Variants in VPS13B observed in about 807,000 individuals in gnomAD.
VPS13B encodes intermembrane lipid transfer protein VPS13B.
A neutral mutation model predicts 426.4 loss-of-function variants in VPS13B; 285 were observed. That is an observed-to-expected ratio of 0.67 (90% CI 0.61 to 0.74). VPS13B has a LOEUF of 0.74. Ranked by LOEUF, VPS13B falls within the 30% of genes least tolerant of loss-of-function variation. VPS13B has a pLI of 0.00. For missense variants in VPS13B, 4,537 were observed against 4,782.6 expected (o/e 0.95, Z 1.51); for synonymous variants, 1,676 against 1,676.4 (o/e 1.00, Z 0.01).
At chr8:99,341,304 A>G (rs909541458) in intron 19 of VPS13B, 1 of 168,354 alleles carries the variant, frequency 5.9e-6, no homozygotes. Context: ...CTGTTAATGT[A>G]GTAACGATCA....
chr8:99,596,311 G>C (rs1323402667), intron 33 of VPS13B, among the ~76,000 whole-genome samples: 2 of 151,994 alleles, frequency 1.3e-5, no homozygotes, highest in African/African-American at 4.8e-5. Flanking sequence ...TAGGAAACCA[G>C]ATGGAAATGG....
intron 17 of VPS13B, among the ~76,000 whole-genome samples, chr8:99,251,434 C>T (rs1004403243): frequency 6.6e-6 from 1 of 151,428 alleles, no homozygotes; most frequent in Non-Finnish European, 1.5e-5. Flanking sequence ...GTGGATTTTT[C>T]TTCTTTAGCC....
At chr8:99,875,206 T>TAAG (rs1817640302) in intron 61 of VPS13B, 1 of 681,736 alleles carries the variant, frequency 1.5e-6, no homozygotes, top group African/African-American at 1.8e-5. Context: ...GAGGCTGTCC[T>TAAG]AAGTCTCATG....
chr8:99,542,225 T>A (rs546554200), intron 30 of VPS13B, among the ~76,000 whole-genome samples: 3 of 152,186 alleles, frequency 2.0e-5, no homozygotes, highest in Non-Finnish European at 4.4e-5. Flanking sequence ...GCCTTTATTA[T>A]TGACATGGAC....
At chr8:99,330,518 G>T (rs577401903) in intron 19 of VPS13B, among the ~76,000 whole-genome samples, 1 of 151,884 alleles carries the variant, frequency 6.6e-6, no homozygotes, top group East Asian at 1.9e-4. Flanking sequence ...TATTCCTTCT[G>T]TTATCTTCCT....
At chr8:99,107,759 T>C (rs537596039) in intron 5 of VPS13B, among the ~76,000 whole-genome samples, 1 of 152,374 alleles carries the variant, frequency 6.6e-6, no homozygotes, top group South Asian at 2.1e-4. Context: ...AGTTATGTTT[T>C]ATATTGCTGA....
chr8:99,084,302 C>T (rs1173932071), intron 3 of VPS13B, among the ~76,000 whole-genome samples: 1 of 151,818 alleles, frequency 6.6e-6, no homozygotes, highest in Non-Finnish European at 1.5e-5. Flanking sequence ...TGGTGATATC[C>T]CCTTTATCAT....
chr8:99,819,491 G>C lies in VPS13B; in HGVS notation c.8701G>C (p.Gly2901Arg). 1 of 1,613,872 alleles carries C rather than the reference G, an allele frequency of 6.2e-7. No individual in the cohort carries two copies. Among genetic ancestry groups the C allele is most frequent in the Non-Finnish European group, 8.5e-7 (1 of 1,179,864 alleles). ...IKQIATKVHP[G>R]GTVNQILDEF... Reference sequence around the variant, plus strand: ...GCAAATAGCCACTAAGGTACACCCTGGAGGCACAGTTAATCAGATCCTTGA... The same window carrying C: ...GCAAATAGCCACTAAGGTACACCCTCGAGGCACAGTTAATCAGATCCTTGA... Residue 2901 changes from glycine (G) to arginine (R), a missense_variant, in exon 48 of 62, where the codon GGA (glycine) becomes CGA (arginine). By Grantham distance (125) the Gly-to-Arg change is moderately radical. Coordinates refer to ENST00000357162, the MANE Select transcript of VPS13B (RefSeq NM_152564.5).
At chr8:99,835,081 TA>T in intron 52 of VPS13B, 115 bp from the exon 53 acceptor site, 2 of 1,311,794 alleles carry the variant, frequency 1.5e-6, no homozygotes, top group Non-Finnish European at 2.2e-6. Flanking sequence ...CCCTGAGTTA[TA>T]AAACAGATAT....
intron 25 of VPS13B, among the ~76,000 whole-genome samples, chr8:99,495,961 A>G (rs1487559419): frequency 6.6e-6 from 1 of 152,194 alleles, no homozygotes; most frequent in Non-Finnish European, 1.5e-5. Flanking sequence ...GGCAAACCTA[A>G]GTTATTAAGA....
At chr8:99,184,268 T>A (rs1813096511) in intron 16 of VPS13B, among the ~76,000 whole-genome samples, 2 of 152,200 alleles carry the variant, frequency 1.3e-5, no homozygotes, top group Non-Finnish European at 2.9e-5. Flanking sequence ...TATAGTAAAT[T>A]TATGTTTAAC....
intron 37 of VPS13B, among the ~76,000 whole-genome samples, chr8:99,717,830 C>A (rs1029966758): frequency 2.6e-5 from 4 of 152,324 alleles, no homozygotes; most frequent in East Asian, 1.9e-4. Flanking sequence ...TTTCAAGGTT[C>A]ATCCATGTTT....
At chr8:99,647,066 T>G (rs1262590182) in intron 34 of VPS13B, among the ~76,000 whole-genome samples, 3 of 152,022 alleles carry the variant, frequency 2.0e-5, no homozygotes, top group Non-Finnish European at 2.9e-5. Context: ...AAAATACCTG[T>G]GAGGTTGTTA....
chr8:99,700,396 C>A (rs1184916039), intron 36 of VPS13B, among the ~76,000 whole-genome samples: 1 of 152,252 alleles, frequency 6.6e-6, no homozygotes. Context: ...TGTGCTTCAA[C>A]AAGCCCTATA....
At chr8:99,276,608 G>A (rs961213625) in intron 19 of VPS13B, among the ~76,000 whole-genome samples, 31 of 152,054 alleles carry the variant, frequency 2.0e-4, no homozygotes, top group Admixed American at 1.4e-3. Flanking sequence ...TTTCAATAAA[G>A]CTTTATTTAT....
intron 33 of VPS13B, among the ~76,000 whole-genome samples, chr8:99,628,402 C>T (rs1370813240): frequency 2.0e-5 from 3 of 152,196 alleles, no homozygotes; most frequent in African/African-American, 7.2e-5. Flanking sequence ...AAAAAAAAAT[C>T]TCCCTAGCTG....
chr8:99,858,883 C>A (rs1202950866), intron 56 of VPS13B, among the ~76,000 whole-genome samples: 1 of 152,150 alleles, frequency 6.6e-6, no homozygotes, highest in South Asian at 2.1e-4. Context: ...CATCTGGCCG[C>A]CCCTGGCCAG....
At chr8:99,525,452 T>C (rs978942026) in intron 30 of VPS13B, among the ~76,000 whole-genome samples, 2 of 152,198 alleles carry the variant, frequency 1.3e-5, no homozygotes, top group Non-Finnish European at 2.9e-5. Flanking sequence ...TAGGGAGTAG[T>C]TCATTCCTTC....
chr8:99,634,743 CATTA>C (rs1829002518), intron 33 of VPS13B, among the ~76,000 whole-genome samples: 2 of 151,910 alleles, frequency 1.3e-5, no homozygotes, highest in African/African-American at 4.8e-5. Context: ...TTAAAAATAA[CATTA>C]ATTGGTGACA....
Sources: allele counts gnomAD v4.1 joint callset (sites outside exome capture counted in the v4.1 genomes callset), GRCh38; gene constraint gnomAD v4.1.1; transcripts MANE v1.5; gene names NCBI Gene and HGNC (gene_info 2026-07-23, HGNC 2026-07-21).